The following CYP2C8 variants were observed in gnomAD, a reference collection of about 807,000 sequenced individuals.
CYP2C8 encodes the protein cytochrome P450 2C8.
Under a neutral mutation model 41.3 loss-of-function variants are expected in CYP2C8, and 51 were observed. That is an observed-to-expected ratio of 1.24 (90% CI 0.99 to 1.56). The LOEUF is 1.56. CYP2C8 is among the 40% of genes most tolerant of loss of function. The pLI, the probability that CYP2C8 is intolerant of heterozygous loss-of-function variation, is 0.00. For synonymous variants in CYP2C8, 218 were observed against 205.8 expected (o/e 1.06, Z -0.51); for missense variants, 651 against 579.9 (o/e 1.12, Z -1.26).
At chr10:95,050,070 G>A (rs1365630192) in intron 5 of CYP2C8, among the ~76,000 whole-genome samples, 1 of 151,916 alleles carries the variant, frequency 6.6e-6, no homozygotes, top group Non-Finnish European at 1.5e-5. Flanking sequence ...TCACAGGAGG[G>A]TAGAGCACCA....
chr10:95,060,052 T>C (rs145201656), intron 4 of CYP2C8, among the ~76,000 whole-genome samples: 147 of 152,362 alleles, frequency 9.6e-4, no homozygotes, highest in Admixed American at 1.8e-3. Flanking sequence ...TGCAGCCTTG[T>C]AGAATAGTTT....
chr10:95,065,495 A>AG (rs2033542793), intron 3 of CYP2C8, among the ~76,000 whole-genome samples: 1 of 152,222 alleles, frequency 6.6e-6, no homozygotes, highest in African/African-American at 2.4e-5. Context: ...AGAAAAACTA[A>AG]TATAAATGAG....
rs1384731839 is a variant in CYP2C8, at chr10:95,037,225, T to G, written c.1376A>C (p.Lys459Thr). ...GAGGTTCTTTAAATCATCAACAGAT[T>G]TCAGGTTAAAGTTCTGTAAAATTGT... ...LTTILQNFNL[K>T]SVDDLKNLNT... Residue 459 changes from lysine (K) to threonine (T), a missense_variant, in exon 9 of 9, where the codon AAA becomes ACA. Coordinates refer to ENST00000371270, the MANE Select transcript of CYP2C8 (RefSeq NM_000770.3). The G allele has an allele frequency of 6.2e-7, 1 of 1,613,862 alleles. No homozygotes were observed. Among genetic ancestry groups the G allele is most frequent in the East Asian group, 2.2e-5 (1 of 44,880 alleles).
Position 95,069,425 on chromosome 10 carries a change from G to A in CYP2C8, c.-23C>T, listed in dbSNP as rs2033636242. ...CATTGAAGCCTTCTCTTCTTATTAA[G>A]ACAGCTGTGAGCTTGCACTCCAAAG... On this transcript the variant is annotated 5_prime_UTR_variant, in exon 1 of 9. Coordinates refer to ENST00000371270, the MANE Select transcript of CYP2C8 (RefSeq NM_000770.3). The A allele has an allele frequency of 1.2e-6, 2 of 1,608,996 alleles. No individual in the cohort carries two copies. The highest frequency in any genetic ancestry group is 1.3e-5 in the African/African-American group (1 of 74,936).
chr10:95,066,189 T>C (rs1181404722), intron 3 of CYP2C8, among the ~76,000 whole-genome samples: 1 of 138,902 alleles, frequency 7.2e-6, no homozygotes, highest in Non-Finnish European at 1.6e-5. Flanking sequence ...TGTGTGTGTG[T>C]TTCTCAGGTA....
At chr10:95,038,788 G>A (rs1025827933) in intron 8 of CYP2C8, 109 bp downstream of exon 8, 117 of 1,028,036 alleles carry the variant, frequency 1.1e-4, no homozygotes, top group South Asian at 7.3e-4. Flanking sequence ...TCTTGATCAT[G>A]GACAAATAGC....
In CYP2C8 at chr10:95,037,230, G is replaced by A; in HGVS notation, c.1371C>T (p.Asn457=). 1 of 1,613,824 alleles carries A rather than the reference G, an allele frequency of 6.2e-7. No individual in the cohort carries two copies. Among genetic ancestry groups the A allele is most frequent in the Non-Finnish European group, 8.5e-7 (1 of 1,179,822 alleles). The change falls in exon 9 of 9, where the codon AAC becomes AAT. Residue 457 remains asparagine, a synonymous_variant. Coordinates refer to ENST00000371270, the MANE Select transcript of CYP2C8 (RefSeq NM_000770.3). ...LFLTTILQNF[N]LKSVDDLKNL... ...TCTTTAAATCATCAACAGATTTCAG[G>A]TTAAAGTTCTGTAAAATTGTGGTTA...
chr10:95,068,426 A>T, intron 1 of CYP2C8: 1 of 399,746 alleles, frequency 2.5e-6, no homozygotes, highest in Non-Finnish European at 4.6e-6. Context: ...CTGACTGATT[A>T]CTTCTTTCTT....
At chr10:95,058,046 T>C (rs1037667938) in intron 5 of CYP2C8, among the ~76,000 whole-genome samples, 1 of 152,196 alleles carries the variant, frequency 6.6e-6, no homozygotes, top group Non-Finnish European at 1.5e-5. Flanking sequence ...TAGGATATTT[T>C]GTATTTTCTA....
intron 5 of CYP2C8, among the ~76,000 whole-genome samples, chr10:95,047,636 T>TA (rs1360262350): frequency 6.6e-6 from 1 of 152,100 alleles, no homozygotes; most frequent in Non-Finnish European, 1.5e-5. Flanking sequence ...AAATGGCAAT[T>TA]ATTAATACAA....
In CYP2C8 at chr10:95,037,151, G is replaced by C. The variant is rs764390443; in HGVS notation, c.1450C>G (p.Gln484Glu). Residue 484 changes from glutamine (Q) to glutamate (E), a missense_variant, in exon 9 of 9, where the codon CAG becomes GAG. Transcript: ENST00000371270. ...CTTCAGACAGGGATGAAGCAGATCT[G>C]GTATGAGGGTGGCAGAGAAACAATC... ...KGIVSLPPSYQICFIPV is the reference protein window; with the variant it reads ...KGIVSLPPSYEICFIPV 1 of 1,613,804 alleles carries C rather than the reference G, an allele frequency of 6.2e-7. No homozygotes were observed. The highest frequency in any genetic ancestry group is 1.7e-5 in the Admixed American group (1 of 59,986).
intron 5 of CYP2C8, among the ~76,000 whole-genome samples, chr10:95,055,166 G>A (rs2033292371): frequency 1.3e-5 from 2 of 152,030 alleles, no homozygotes; most frequent in South Asian, 4.1e-4. Context: ...TGCAACTACA[G>A]GGAGAGGACT....
rs1238256599 is a variant in CYP2C8, at chr10:95,042,973, G to A, written c.1066C>T (p.Gln356Ter). The A allele has an allele frequency of 6.2e-7, 1 of 1,614,152 alleles. No individual in the cohort carries two copies. Reference sequence around the variant, plus strand: ...GTGGGGACAAGGTCACTGTATCTCTGGATCTCGTGCACTACAGCATCAGTG... The same window carrying A: ...GTGGGGACAAGGTCACTGTATCTCTAGATCTCGTGCACTACAGCATCAGTG... ...PYTDAVVHEI[Q>*]RYSDLVPTGV... is the part of the protein sequence containing the mutation. Residue 356 changes from glutamine to a stop codon, truncating the protein, a stop_gained, in exon 7 of 9, where the codon CAG (glutamine) becomes TAG (stop). Transcript: ENST00000371270. LOFTEE classifies it high-confidence loss of function.
chr10:95,052,495 A>G (rs1383302533), intron 5 of CYP2C8, among the ~76,000 whole-genome samples: 1 of 152,084 alleles, frequency 6.6e-6, no homozygotes, highest in South Asian at 2.1e-4. Flanking sequence ...CACATTAAAA[A>G]AAAAAGTTAT....
chr10:95,053,107 T>C (rs1007923367), intron 5 of CYP2C8, among the ~76,000 whole-genome samples: 3 of 152,106 alleles, frequency 2.0e-5, no homozygotes, highest in Non-Finnish European at 4.4e-5. Flanking sequence ...AGATACAAAA[T>C]AATATACAAA....
At position 95,042,969 on chromosome 10, in the gene CYP2C8, C is replaced by CTCTGGA; in HGVS notation, c.1064_1069dup (p.Ile355_Gln356dup). 1 of 1,614,204 alleles carries CTCTGGA rather than the reference C, an allele frequency of 6.2e-7. No homozygotes were observed. The highest frequency in any genetic ancestry group is 8.5e-7 in the Non-Finnish European group (1 of 1,180,020). On this transcript the variant is annotated inframe_insertion, in exon 7 of 9. Coordinates refer to ENST00000371270, the MANE Select transcript of CYP2C8 (RefSeq NM_000770.3). The stretch of plus-strand genomic sequence containing the variant: ...ACCGGTGGGGACAAGGTCACTGTAT[C>CTCTGGA]TCTGGATCTCGTGCACTACAGCATC...
rs1419635449 is a variant in CYP2C8 at position 95,067,215 on chromosome 10, T to A, written c.474A>T (p.Lys158Asn). 1 of 1,614,012 alleles carries A rather than the reference T, an allele frequency of 6.2e-7. No individual in the cohort carries two copies. The highest frequency in any genetic ancestry group is 1.7e-5 in the Admixed American group (1 of 60,002). The stretch of plus-strand genomic sequence containing the variant: ...CAGAGTAGAGTCACCCACCCTTGGT[T>A]TTTCTCAACTCCTCCACAAGGCAGT... Reference protein sequence around the residue: ...EAHCLVEELRKTKASPCDPTF... With the variant: ...EAHCLVEELRNTKASPCDPTF... Residue 158 changes from lysine to asparagine, a missense_variant, in exon 3 of 9, where the codon AAA becomes AAT. Coordinates refer to ENST00000371270, the MANE Select transcript of CYP2C8 (RefSeq NM_000770.3).
intron 7 of CYP2C8, among the ~76,000 whole-genome samples, chr10:95,040,633 C>T (rs1461846766): frequency 6.6e-6 from 1 of 152,146 alleles, no homozygotes; most frequent in East Asian, 1.9e-4. Flanking sequence ...GGAAGAACTT[C>T]AGAGAGGTAA....
At chr10:95,037,341 C>A in intron 8 of CYP2C8, 32 bp from the exon 9 acceptor site, 1 of 1,599,762 alleles carries the variant, frequency 6.3e-7, no homozygotes, top group East Asian at 2.2e-5. Context: ...AGTAGTTACT[C>A]CTTGTGTTTA....
Sources: allele counts gnomAD v4.1 joint callset (sites outside exome capture counted in the v4.1 genomes callset), GRCh38; gene constraint gnomAD v4.1.1; transcripts MANE v1.5; gene names NCBI Gene and HGNC (gene_info 2026-07-23, HGNC 2026-07-21).